The following ANKS1A variants were observed in gnomAD, a reference collection of about 807,000 sequenced individuals.
ANKS1A encodes the protein ankyrin repeat and SAM domain-containing protein 1A.
In ANKS1A, 55 loss-of-function variants were observed where a neutral mutation model predicts 120.3. The observed-to-expected ratio is 0.46, with a 90% CI of 0.37 to 0.57. The LOEUF (loss-of-function observed/expected upper bound fraction) is 0.57. Ranked by LOEUF, ANKS1A falls within the 20% of genes least tolerant of loss-of-function variation. The pLI, the probability that ANKS1A is intolerant of heterozygous loss-of-function variation, is 0.00. For missense variants in ANKS1A, 1,123 were observed against 1,480.3 expected (o/e 0.76, Z 3.96); for synonymous variants, 590 against 604.7 (o/e 0.98, Z 0.36).
chr6:35,060,396 C>A lies in ANKS1A; in HGVS notation c.2184+143C>A. On this transcript the variant is annotated intron_variant, in intron 13 of 23. Coordinates refer to ENST00000360359, the MANE Select transcript of ANKS1A (RefSeq NM_015245.3). This position sits in a 1 kb window ranked among gnomAD's most constrained non-coding sequence, Gnocchi z 4.5. ...AAGCTCACTGAGGTCACTCAGACAC[C>A]AGGAAGTCAGCCAGGTGGTATGTGC... The A allele has an allele frequency of 1.5e-6, 1 of 680,294 alleles. No homozygotes were observed. The allele number at this position is 680,294 out of a possible 1,614,324, so 42.1% of individuals were successfully genotyped here.
chr6:35,006,542 C>T (rs1302318617), intron 10 of ANKS1A, among the ~76,000 whole-genome samples: 1 of 151,968 alleles, frequency 6.6e-6, no homozygotes, highest in Non-Finnish European at 1.5e-5. Flanking sequence ...ATCAGGAGAT[C>T]AGGAGATGGA....
chr6:34,989,445 G>A (rs918739571), intron 9 of ANKS1A, 129 bp downstream of exon 9: 2 of 829,604 alleles, frequency 2.4e-6, no homozygotes, highest in Non-Finnish European at 3.9e-6. Flanking sequence ...TTTGTATTAT[G>A]TGTACTAGTA....
intron 10 of ANKS1A, among the ~76,000 whole-genome samples, chr6:34,995,828 C>T (rs1014007640): frequency 1.3e-5 from 2 of 152,204 alleles, no homozygotes; most frequent in African/African-American, 4.8e-5. Context: ...GGGTCATTTA[C>T]AGTTTTTGGC....
At chr6:35,064,414 T>A (rs1021365508) in intron 13 of ANKS1A, among the ~76,000 whole-genome samples, 1 of 152,196 alleles carries the variant, frequency 6.6e-6, no homozygotes, top group African/African-American at 2.4e-5. Flanking sequence ...ACGTGGCAGA[T>A]AGGCCCCCGC....
At chr6:34,978,635 G>A (rs959686888) in intron 3 of ANKS1A, among the ~76,000 whole-genome samples, 1 of 151,706 alleles carries the variant, frequency 6.6e-6, no homozygotes, top group South Asian at 2.1e-4. Context: ...GAGAAACCCC[G>A]TCTCTACTAA....
chr6:34,974,825 G>A lies in ANKS1A; in HGVS notation c.435+4659G>A, dbSNP rs553687016. 4.6e-5 allele frequency among the ~76,000 whole-genome samples: 7 copies of A among 152,268 alleles called. No homozygotes were observed. The South Asian group carries it at 1.0e-3, about 22-fold the overall frequency. On this transcript the variant is annotated intron_variant, in intron 3 of 23. Transcript: ENST00000360359. ...ATATTTGAGATACTAATTTTTTAAA[G>A]TGTATGTAATGTATTTCTGCAAAGG...
intron 11 of ANKS1A, among the ~76,000 whole-genome samples, chr6:35,026,958 G>T (rs1428849787): frequency 6.6e-6 from 1 of 152,032 alleles, no homozygotes; most frequent in Non-Finnish European, 1.5e-5. Flanking sequence ...TCTCAAACTT[G>T]ATCATTGTTC....
chr6:35,054,048 GT>G, intron 11 of ANKS1A, 50 bp from the exon 12 acceptor site: 1 of 1,548,758 alleles, frequency 6.5e-7, no homozygotes, highest in South Asian at 1.1e-5. Flanking sequence ...AGCTGGTAAG[GT>G]TTACCCCAAG....
In ANKS1A at chr6:34,935,791, G is replaced by A. The variant is rs847853; in HGVS notation, c.198-31448G>A. ...TACTTTCTCCTGGTGGGCCGGGCGC[G>A]GTGGCTCACGCCTGTAATCCCAGCA... On this transcript the variant is annotated intron_variant, in intron 1 of 23. Coordinates refer to ENST00000360359, the MANE Select transcript of ANKS1A (RefSeq NM_015245.3). Among the ~76,000 whole-genome samples, 1,395 of 152,128 alleles carry A rather than the reference G, an allele frequency of 9.2e-3. 14 individuals carry two copies. The highest frequency in any genetic ancestry group is 0.034 in the Middle Eastern group (10 of 294).
intron 19 of ANKS1A, 63 bp downstream of exon 19, chr6:35,083,289 G>T (rs1310050280): frequency 1.1e-5 from 18 of 1,596,558 alleles, no homozygotes; most frequent in Non-Finnish European, 2.6e-6. Flanking sequence ...AGCAATGGGG[G>T]CAGTAGCTGC....
intron 11 of ANKS1A, among the ~76,000 whole-genome samples, chr6:35,046,360 C>T (rs1197889118): frequency 2.6e-5 from 4 of 152,176 alleles, no homozygotes; most frequent in South Asian, 2.1e-4. Flanking sequence ...TTGTTTCCTT[C>T]GCCTCTCGGG....
At chr6:35,011,004 C>T (rs1051205195) in intron 10 of ANKS1A, among the ~76,000 whole-genome samples, 4 of 152,340 alleles carry the variant, frequency 2.6e-5, no homozygotes, top group Non-Finnish European at 4.4e-5. Flanking sequence ...ATTGCTCTAG[C>T]ACTTACTGGA....
intron 1 of ANKS1A, among the ~76,000 whole-genome samples, chr6:34,920,222 C>G (rs1346326888): frequency 6.6e-6 from 1 of 151,002 alleles, no homozygotes; most frequent in Non-Finnish European, 1.5e-5. Context: ...GTTTTTCTTT[C>G]TTTATTTTTT....
intron 9 of ANKS1A, among the ~76,000 whole-genome samples, chr6:34,991,196 A>G (rs1772485132): frequency 6.6e-6 from 1 of 152,164 alleles, no homozygotes; most frequent in Admixed American, 6.5e-5. Flanking sequence ...AGCCTTTAGG[A>G]GAAGCCAGAG....
At chr6:35,079,488 C>A in intron 14 of ANKS1A, 28 bp from the exon 15 acceptor site, 1 of 1,612,328 alleles carries the variant, frequency 6.2e-7, no homozygotes, top group South Asian at 1.1e-5. Flanking sequence ...GCTGAGATGT[C>A]AGTTTCACCT....
At chr6:34,941,371 A>G (rs1349958305) in intron 1 of ANKS1A, among the ~76,000 whole-genome samples, 1 of 152,108 alleles carries the variant, frequency 6.6e-6, no homozygotes, top group Non-Finnish European at 1.5e-5. Flanking sequence ...TACATAATCC[A>G]CAACTTGGCT....
Position 35,086,026 on chromosome 6 carries a change from C to G in ANKS1A, c.3303+90C>G. 1 of 1,450,492 alleles carries G rather than the reference C, an allele frequency of 6.9e-7. No individual in the cohort carries two copies. The highest frequency in any genetic ancestry group is 9.1e-7 in the Non-Finnish European group (1 of 1,099,882). 89.9% of individuals were successfully genotyped at this position (1,450,492 alleles called of 1,614,324 possible). ...GGTCAGCGTGAGGAGGGTCTTCTGGCACTTCCAGAAAGCTGGCCCTCCAGG... is the reference window on the plus strand; with the variant it reads ...GGTCAGCGTGAGGAGGGTCTTCTGGGACTTCCAGAAAGCTGGCCCTCCAGG... On this transcript the variant is annotated intron_variant, in intron 22 of 23. Coordinates refer to ENST00000360359, the MANE Select transcript of ANKS1A (RefSeq NM_015245.3). This position sits in a 1 kb window ranked among gnomAD's most constrained non-coding sequence, Gnocchi z 5.1.
Position 34,983,440 on chromosome 6 carries a change from C to T in ANKS1A, c.1012+15C>T. ...GAAGTCTCAGGGTAAGGTAACTCTCCCCTATGAGTAAAGGGGTGCTCAGCT... is the reference window on the plus strand; with the variant it reads ...GAAGTCTCAGGGTAAGGTAACTCTCTCCTATGAGTAAAGGGGTGCTCAGCT... On this transcript the variant is annotated intron_variant, in intron 7 of 23. Transcript: ENST00000360359. 3.1e-6 allele frequency: 5 copies of T among 1,596,792 alleles called. No individual in the cohort carries two copies. The highest frequency in any genetic ancestry group is 4.3e-6 in the Non-Finnish European group (5 of 1,168,536).
chr6:35,060,674 G>T lies in ANKS1A; in HGVS notation c.2184+421G>T, dbSNP rs553896681. On this transcript the variant is annotated intron_variant, in intron 13 of 23. Transcript: ENST00000360359. The surrounding 1 kb of genome is among the most constrained non-coding windows in gnomAD (Gnocchi z 4.5). The stretch of plus-strand genomic sequence containing the variant: ...CTTCCCTGCCCAGCCAAGGCCCAGT[G>T]CCTGGGGTAGAGTCCAGAGTTACAC... Among the ~76,000 whole-genome samples the T allele has an allele frequency of 9.9e-5, 15 of 152,234 alleles. No homozygotes were observed. The highest frequency in any genetic ancestry group is 1.9e-4 in the Non-Finnish European group (13 of 68,038).
Sources: gnomAD v4.1 joint callset for allele counts (sites outside exome capture counted in the v4.1 genomes callset) on GRCh38, gnomAD v4.1.1 for gene constraint, Gnocchi (gnomAD v3.1) non-coding constraint, MANE v1.5 for transcripts, NCBI Gene and HGNC (gene_info 2026-07-23, HGNC 2026-07-21) for gene names.